CHLSN: variants seen among roughly 807,000 people sequenced by gnomAD.
CHLSN encodes the protein protein cholesin.
the CHLSN span, among the ~76,000 whole-genome samples, chr7:1,047,088 G>A: frequency 6.6e-6 from 1 of 152,188 alleles, no homozygotes; most frequent in Admixed American, 6.5e-5. Flanking sequence ...CTGGTCTGAT[G>A]TACCTGGAGA....
chr7:1,044,613 G>A, the CHLSN span: 1 of 151,276 alleles, frequency 6.6e-6, no homozygotes, highest in Non-Finnish European at 1.5e-5. Context: ...GCCAGCCCGA[G>A]CTGCCCGCCC....
the CHLSN span, chr7:1,092,897 G>A: frequency 6.4e-7 from 1 of 1,570,686 alleles, no homozygotes; most frequent in African/African-American, 1.3e-5. Flanking sequence ...TGTGACTCGG[G>A]AGCTGCACAC....
chr7:988,383 TTG>T, the CHLSN span: 2 of 1,612,502 alleles, frequency 1.2e-6, no homozygotes, highest in Non-Finnish European at 1.7e-6. Context: ...AATGGGCACT[TTG>T]TGAAGCGGGA....
chr7:988,352 C>G, the CHLSN span: 3 of 1,612,648 alleles, frequency 1.9e-6, no homozygotes, highest in Non-Finnish European at 2.5e-6. Flanking sequence ...CCAGTTCAAC[C>G]CCGGCCATTT....
the CHLSN span, among the ~76,000 whole-genome samples, chr7:1,066,472 C>T: frequency 6.6e-6 from 1 of 152,360 alleles, no homozygotes; most frequent in Admixed American, 6.5e-5. Context: ...ACAGCCTTTC[C>T]CTTCCCTACA....
chr7:1,064,515 G>A, the CHLSN span, among the ~76,000 whole-genome samples: 3 of 152,142 alleles, frequency 2.0e-5, no homozygotes, highest in Admixed American at 6.5e-5. Context: ...TTCCCACAGC[G>A]CCTAAACGCA....
At chr7:1,015,679 G>A in the CHLSN span, among the ~76,000 whole-genome samples, 1 of 152,194 alleles carries the variant, frequency 6.6e-6, no homozygotes, top group African/African-American at 2.4e-5. Flanking sequence ...TTGGTGGGCG[G>A]GGCCAGGACT....
the CHLSN span, among the ~76,000 whole-genome samples, chr7:992,551 T>C: frequency 6.6e-6 from 1 of 152,178 alleles, no homozygotes; most frequent in Non-Finnish European, 1.5e-5. Flanking sequence ...GGAACACACA[T>C]GTAGGGGCCT....
the CHLSN span, among the ~76,000 whole-genome samples, chr7:1,037,293 G>T: frequency 1.5e-5 from 2 of 136,792 alleles, no homozygotes; most frequent in African/African-American, 5.3e-5. Flanking sequence ...AGAACAGAAA[G>T]GAAGATGCGG....
At chr7:1,076,930 G>A in the CHLSN span, among the ~76,000 whole-genome samples, 2 of 152,252 alleles carry the variant, frequency 1.3e-5, no homozygotes, top group African/African-American at 4.8e-5. Context: ...GCTGGCCCCT[G>A]CTCTGCAGCC....
At chr7:999,799 C>G in the CHLSN span, among the ~76,000 whole-genome samples, 1 of 152,220 alleles carries the variant, frequency 6.6e-6, no homozygotes, top group Non-Finnish European at 1.5e-5. Flanking sequence ...GCACTGCCCA[C>G]CGGATGCAGC....
the CHLSN span, among the ~76,000 whole-genome samples, chr7:1,041,411 C>CGGGACCTGGGGTCCGCGCTGCGGGGAAG: frequency 8.9e-6 from 1 of 112,002 alleles, no homozygotes; most frequent in South Asian, 2.7e-4. Context: ...CTGCGGGGAA[C>CGGGACCTGGGGTCCGCGCTGCGGGGAAG]GGGACCTGGG....
the CHLSN span, chr7:985,163 C>A: frequency 6.3e-7 from 1 of 1,586,270 alleles, no homozygotes; most frequent in Non-Finnish European, 8.6e-7. Context: ...GTCTCCCTCG[C>A]AGGCCGGCCC....
At chr7:1,076,782 G>A in the CHLSN span, among the ~76,000 whole-genome samples, 6 of 152,386 alleles carry the variant, frequency 3.9e-5, no homozygotes, top group East Asian at 5.8e-4. Context: ...CGGGAAAGCC[G>A]GGGGAGGAGA....
the CHLSN span, among the ~76,000 whole-genome samples, chr7:1,054,706 A>G: frequency 0.11 from 17,446 of 152,126 alleles, 1,227 homozygotes; most frequent in Middle Eastern, 0.26. Flanking sequence ...GGCTGGCCCC[A>G]CGCGGTTCCA....
chr7:1,022,240 T>A, the CHLSN span, among the ~76,000 whole-genome samples: 1 of 152,162 alleles, frequency 6.6e-6, no homozygotes, highest in Non-Finnish European at 1.5e-5. Context: ...CGGGGAGGCA[T>A]GTCCCCACCC....
the CHLSN span, chr7:1,045,507 C>T: frequency 6.6e-6 from 1 of 152,362 alleles, no homozygotes; most frequent in East Asian, 1.9e-4. Flanking sequence ...GCTTTAAAGG[C>T]CTCTGCAAAC....
chr7:981,077 C>T, the CHLSN span, among the ~76,000 whole-genome samples: 3 of 151,806 alleles, frequency 2.0e-5, no homozygotes, highest in African/African-American at 7.3e-5. Flanking sequence ...AGGTGGATCA[C>T]TTGAGGTCAG....
the CHLSN span, among the ~76,000 whole-genome samples, chr7:1,038,293 G>A: frequency 3.1e-5 from 3 of 97,916 alleles, no homozygotes; most frequent in Non-Finnish European, 4.6e-5. Context: ...CATGCCGTCC[G>A]GGAGGGAGGT....
Sources: gnomAD v4.1 joint callset for allele counts (sites outside exome capture counted in the v4.1 genomes callset) on GRCh38, gnomAD v4.1.1 for gene constraint, MANE v1.5 for transcripts, NCBI Gene and HGNC (gene_info 2026-07-23, HGNC 2026-07-21) for gene names.